ZNF385D: variants seen among roughly 807,000 people sequenced by gnomAD.
ZNF385D encodes zinc finger protein 385D.
Under a neutral mutation model 35.8 loss-of-function variants are expected in ZNF385D, and 15 were observed. The observed-to-expected ratio is 0.42, with a 90% CI of 0.28 to 0.64. The LOEUF (loss-of-function observed/expected upper bound fraction) is 0.64. Ranked by LOEUF, ZNF385D falls within the 30% of genes least tolerant of loss-of-function variation. The pLI, the probability that ZNF385D is intolerant of heterozygous loss-of-function variation, is 0.23. For missense variants in ZNF385D, 474 were observed against 494.6 expected (o/e 0.96, Z 0.39); for synonymous variants, 212 against 186.8 (o/e 1.13, Z -1.10).
At chr3:21,595,458 A>ATATGTAATATATAATTATATATGTT (rs2064102144) in intron 2 of ZNF385D, among the ~76,000 whole-genome samples, 1 of 149,194 alleles carries the variant, frequency 6.7e-6, no homozygotes, top group Non-Finnish European at 1.5e-5. Context: ...TGTAATATGT[A>ATATGTAATATATAATTATATATGTT]TATGTAATAT....
At chr3:21,799,009 A>G (rs1249479672) in intron 3 of ZNF385D, among the ~76,000 whole-genome samples, 3 of 152,214 alleles carry the variant, frequency 2.0e-5, no homozygotes, top group Non-Finnish European at 2.9e-5. Flanking sequence ...TTACAGGTCT[A>G]TGGATTCACC....
At chr3:21,567,110 G>GTATT (rs34608503) in intron 2 of ZNF385D, among the ~76,000 whole-genome samples, 30,565 of 151,956 alleles carry the variant, frequency 0.2, 3,827 homozygotes, top group Non-Finnish European at 0.28. Flanking sequence ...ATGAACACAT[G>GTATT]TATTTATCCA....
chr3:22,189,098 T>C (rs759699931), intron 2 of ZNF385D, among the ~76,000 whole-genome samples: 5 of 152,136 alleles, frequency 3.3e-5, no homozygotes, highest in Non-Finnish European at 7.4e-5. Context: ...CCAACATTTC[T>C]ACAGTTTTTT....
At chr3:22,201,335 T>C (rs1204280183) in intron 2 of ZNF385D, among the ~76,000 whole-genome samples, 3 of 151,986 alleles carry the variant, frequency 2.0e-5, no homozygotes, top group Non-Finnish European at 4.4e-5. Context: ...ATAAATAATA[T>C]CTAAACACTG....
rs1185458622 is a variant in ZNF385D at position 21,420,491 on chromosome 3, T to G, written c.*723A>C. ...TTAATGCCTCCCCCATCTCTAAGCT[T>G]AGCCCTGTTATATCTTCAAGCTAGA... is the stretch of plus-strand genomic sequence containing the variant. On this transcript the variant is annotated 3_prime_UTR_variant, in exon 8 of 8. Transcript: ENST00000281523. 1 of 152,168 alleles carries G rather than the reference T, an allele frequency of 6.6e-6. No individual in the cohort carries two copies. The highest frequency in any genetic ancestry group is 1.5e-5 in the Non-Finnish European group (1 of 68,034). The allele number at this position is 152,168 out of a possible 1,614,324, so 9.4% of individuals were successfully genotyped here.
intron 2 of ZNF385D, among the ~76,000 whole-genome samples, chr3:22,221,553 C>T (rs536130037): frequency 6.6e-6 from 1 of 152,208 alleles, no homozygotes; most frequent in South Asian, 2.1e-4. Flanking sequence ...TAAAAGATGC[C>T]TTAATTTCAT....
intron 3 of ZNF385D, among the ~76,000 whole-genome samples, chr3:21,512,946 A>G (rs1305601578): frequency 2.6e-5 from 4 of 152,272 alleles, no homozygotes; most frequent in African/African-American, 9.6e-5. Context: ...TCTCTTTGCA[A>G]GTAACCCTTT....
chr3:21,514,139 T>C (rs2125478526), intron 3 of ZNF385D, among the ~76,000 whole-genome samples: 1 of 152,302 alleles, frequency 6.6e-6, no homozygotes, highest in South Asian at 2.1e-4. Flanking sequence ...AGGACAGTTA[T>C]ACCATATACT....
intron 3 of ZNF385D, among the ~76,000 whole-genome samples, chr3:22,034,366 C>G (rs777670332): frequency 1.3e-5 from 2 of 152,044 alleles, no homozygotes; most frequent in Non-Finnish European, 2.9e-5. Context: ...ATGCCAGCAC[C>G]CTGATTTCAA....
intron 2 of ZNF385D, among the ~76,000 whole-genome samples, chr3:21,584,968 T>A (rs2063769220): frequency 6.6e-6 from 1 of 152,186 alleles, no homozygotes; most frequent in South Asian, 2.1e-4. Flanking sequence ...CCTTTTTGTA[T>A]CTCTTTAAAT....
chr3:21,469,715 C>T (rs1703762830), intron 4 of ZNF385D, among the ~76,000 whole-genome samples: 1 of 151,720 alleles, frequency 6.6e-6, no homozygotes, highest in Non-Finnish European at 1.5e-5. Flanking sequence ...GTTTTATTTT[C>T]CTTATTGTAG....
chr3:21,804,826 A>G (rs1332699603), intron 3 of ZNF385D, among the ~76,000 whole-genome samples: 2 of 150,834 alleles, frequency 1.3e-5, no homozygotes, highest in Non-Finnish European at 2.9e-5. Flanking sequence ...AGGCTATTTA[A>G]TATGTTGTTT....
intron 3 of ZNF385D, among the ~76,000 whole-genome samples, chr3:21,944,379 T>C (rs671377): frequency 0.26 from 39,576 of 152,142 alleles, 5,855 homozygotes; most frequent in Admixed American, 0.41. Context: ...GTTTATACCC[T>C]TTGGGCAGTC....
At chr3:21,910,735 G>A (rs1699922571) in intron 3 of ZNF385D, among the ~76,000 whole-genome samples, 1 of 151,564 alleles carries the variant, frequency 6.6e-6, no homozygotes, top group Non-Finnish European at 1.5e-5. Flanking sequence ...GGGGGGCAGA[G>A]AAAGCTTTAT....
chr3:21,979,757 G>C (rs1262819041), intron 3 of ZNF385D: 1 of 152,188 alleles, frequency 6.6e-6, no homozygotes, highest in Non-Finnish European at 1.5e-5. Context: ...GAGGAGATAA[G>C]TAGAGAAAGA....
At chr3:21,496,358 T>C (rs1294657819) in intron 4 of ZNF385D, among the ~76,000 whole-genome samples, 1 of 144,534 alleles carries the variant, frequency 6.9e-6, no homozygotes, top group Non-Finnish European at 1.5e-5. Context: ...TATATGTATA[T>C]ATCATATATA....
intron 3 of ZNF385D, among the ~76,000 whole-genome samples, chr3:22,003,549 T>C (rs1230933485): frequency 6.6e-6 from 1 of 152,126 alleles, no homozygotes; most frequent in Non-Finnish European, 1.5e-5. Flanking sequence ...ATATCAATAA[T>C]GTTTTTTACA....
Position 22,060,255 on chromosome 3 carries a change from A to G in ZNF385D, c.325+108562T>C, listed in dbSNP as rs187783075. ...TTCATAATTATGTGAGCCAATTCCC[A>G]TAATAAATCCTCCTCTTATACTGTG... On this transcript the variant is annotated intron_variant, in intron 3 of 5. Transcript: ENST00000494108. Among the ~76,000 whole-genome samples the G allele has an allele frequency of 9.8e-4, 150 of 152,288 alleles. 1 individual carries two copies. Among genetic ancestry groups the G allele is most frequent in the African/African-American group, 3.2e-3 (131 of 41,572 alleles).
At chr3:21,832,848 T>A (rs951544757) in intron 3 of ZNF385D, among the ~76,000 whole-genome samples, 14 of 152,294 alleles carry the variant, frequency 9.2e-5, no homozygotes, top group African/African-American at 3.4e-4. Flanking sequence ...TTCTTCTGCT[T>A]AACACCCAAA....
Sources: allele counts gnomAD v4.1 joint callset (sites outside exome capture counted in the v4.1 genomes callset), GRCh38; gene constraint gnomAD v4.1.1; transcripts MANE v1.5; gene names NCBI Gene and HGNC (gene_info 2026-07-23, HGNC 2026-07-21).